CTBP1: variants seen among roughly 807,000 people sequenced by gnomAD.
The protein encoded by CTBP1 is C-terminal binding protein 1, also known as C-terminal-binding protein 1.
A neutral mutation model predicts 42.1 loss-of-function variants in CTBP1; 11 were observed. The observed-to-expected ratio is 0.26, with a 90% confidence interval of 0.16 to 0.43. CTBP1 has a LOEUF of 0.43. Among genes scored for constraint, CTBP1 ranks in the 20% least tolerant of loss-of-function variants. The pLI is 1.00. For missense variants in CTBP1, 399 were observed against 624.3 expected (o/e 0.64, Z 3.85); for synonymous variants, 324 against 277.1 (o/e 1.17, Z -1.68).
rs1468245271 is a variant in CTBP1, at chr4:1,233,730, C to T, written c.162+4453G>A. Among the ~76,000 whole-genome samples the T allele has an allele frequency of 6.6e-6, 1 of 152,212 alleles. No homozygotes were observed. The highest frequency in any genetic ancestry group is 1.5e-5 in the Non-Finnish European group (1 of 68,038). On this transcript the variant is annotated intron_variant, in intron 3 of 9. Transcript: ENST00000382952. This position sits in a 1 kb window ranked among gnomAD's most constrained non-coding sequence, Gnocchi z 4.6. ...CGCCTCCCAGGCCCCGACATTCTTC[C>T]CGCTCCTCCTGTGACCGCACTGACG... is the stretch of plus-strand genomic sequence containing the variant.
intron 1 of CTBP1, chr4:1,245,301 G>T (rs917295671): frequency 1.0e-6 from 1 of 985,310 alleles, no homozygotes; most frequent in African/African-American, 1.7e-5. Flanking sequence ...CAGGACATCC[G>T]TGGAGCCGCA....
At chr4:1,214,096 G>A (rs1445305573) in intron 7 of CTBP1, 14 of 522,102 alleles carry the variant, frequency 2.7e-5, no homozygotes, top group East Asian at 2.1e-4. Context: ...CTCCTGGTTG[G>A]TCAGGAGCCC....
chr4:1,227,854 G>C (rs546995156), intron 4 of CTBP1, among the ~76,000 whole-genome samples: 6 of 152,242 alleles, frequency 3.9e-5, no homozygotes, highest in Non-Finnish European at 7.3e-5. Flanking sequence ...TCGGGACAGA[G>C]ACCTATGAGC....
chr4:1,217,938 A>T (rs1316173823), intron 5 of CTBP1: 1 of 152,192 alleles, frequency 6.6e-6, no homozygotes, highest in Non-Finnish European at 1.5e-5. Context: ...CTTCCGGAAG[A>T]TGAATGGTAA....
At chr4:1,229,641 C>T (rs1381330489) in intron 3 of CTBP1, among the ~76,000 whole-genome samples, 4 of 152,312 alleles carry the variant, frequency 2.6e-5, no homozygotes, top group Middle Eastern at 3.4e-3. Flanking sequence ...GACCGCAGGG[C>T]GTCCTGTGGG....
At chr4:1,218,294 C>T (rs1169086482) in intron 5 of CTBP1, 2 of 151,986 alleles carry the variant, frequency 1.3e-5, no homozygotes, top group East Asian at 3.9e-4. Flanking sequence ...GTCCAAGCTA[C>T]TCGGGAGGCT....
intron 1 of CTBP1, among the ~76,000 whole-genome samples, chr4:1,247,767 AG>A (rs3832288): frequency 0.013 from 952 of 70,794 alleles, 13 homozygotes; most frequent in African/African-American, 0.062. Context: ...GAGGCCGGGG[AG>A]GGGGGGGGGG....
intron 3 of CTBP1, among the ~76,000 whole-genome samples, chr4:1,229,139 C>A (rs1730700439): frequency 6.6e-6 from 1 of 152,224 alleles, no homozygotes; most frequent in Admixed American, 6.5e-5. Flanking sequence ...CCCACCCTGC[C>A]AAGGGCTCCC....
At position 1,238,143 on chromosome 4, in the gene CTBP1, C is replaced by T. The variant is rs200024593; in HGVS notation, c.162+40G>A. On this transcript the variant is annotated intron_variant, in intron 3 of 9. Transcript: ENST00000382952. This position sits in a 1 kb window ranked among gnomAD's most constrained non-coding sequence, Gnocchi z 5.9. ...CTCCCGTCCCTCCAACTCCCCCCAA[C>T]GTGCGGTTCTGCCAGCCCCAGGCGA... The T allele has an allele frequency of 6.1e-5, 99 of 1,612,086 alleles. 1 individual carries two copies. In the Middle Eastern group the frequency reaches 6.6e-4, roughly 11 times the overall value.
chr4:1,222,416 G>C, intron 5 of CTBP1, among the ~76,000 whole-genome samples: 1 of 152,256 alleles, frequency 6.6e-6, no homozygotes, highest in Non-Finnish European at 1.5e-5. Context: ...AGAGGGGCCC[G>C]CGCCGAGAGC....
At chr4:1,228,391 G>T (rs777180953) in intron 3 of CTBP1, 48 bp from the exon 4 acceptor site, 9 of 1,588,932 alleles carry the variant, frequency 5.7e-6, no homozygotes, top group African/African-American at 1.3e-5. Context: ...GAAGACCCTC[G>T]GGCTTGGCCT....
chr4:1,231,834 A>T (rs1003272042), intron 3 of CTBP1, among the ~76,000 whole-genome samples: 1 of 152,150 alleles, frequency 6.6e-6, no homozygotes, highest in African/African-American at 2.4e-5. Context: ...TCTATCCCAC[A>T]TGAAGGGCCA....
intron 3 of CTBP1, 67 bp from the exon 4 acceptor site, chr4:1,228,410 G>T: frequency 6.4e-7 from 1 of 1,556,762 alleles, no homozygotes; most frequent in Non-Finnish European, 8.7e-7. Flanking sequence ...CTTCGGGGGT[G>T]GGGCTGCCCC....
chr4:1,225,619 A>G lies in CTBP1; in HGVS notation c.308-53T>C, dbSNP rs1730252074. ...CCCCGGGCCGGGCCCAGCCTCCGGG[A>G]GGACACCGGGGCCGCCGTGACTGGA... On this transcript the variant is annotated intron_variant, in intron 4 of 9. Coordinates refer to ENST00000382952, the MANE Select transcript of CTBP1 (RefSeq NM_001012614.2). 4 of 1,498,812 alleles carry G rather than the reference A, an allele frequency of 2.7e-6. No homozygotes were observed. In the Admixed American group the frequency reaches 6.1e-5, roughly 23 times the overall value. The allele number at this position is 1,498,812 out of a possible 1,614,324, so 92.8% of individuals were successfully genotyped here.
intron 5 of CTBP1, chr4:1,221,610 C>T: frequency 4.2e-6 from 1 of 235,358 alleles, no homozygotes; most frequent in South Asian, 3.8e-5. Flanking sequence ...AGAGGCATCA[C>T]CCCGACTGAC....
rs1236694612 is a variant in CTBP1 at position 1,212,088 on chromosome 4, C to G, written c.*152G>C. The G allele has an allele frequency of 3.6e-6, 2 of 554,066 alleles. No individual in the cohort carries two copies. The highest frequency in any genetic ancestry group is 7.0e-5 in the East Asian group (2 of 28,620). The allele number at this position is 554,066 out of a possible 1,614,324, so 34.3% of individuals were successfully genotyped here. ...ACAGGACGGACGACGACAAGCGACACGAGGCCCAGCGCTGCCCCCTCCCGC... is the reference window on the plus strand; with the variant it reads ...ACAGGACGGACGACGACAAGCGACAGGAGGCCCAGCGCTGCCCCCTCCCGC... On this transcript the variant is annotated 3_prime_UTR_variant, in exon 10 of 10. Coordinates refer to ENST00000382952, the MANE Select transcript of CTBP1 (RefSeq NM_001012614.2).
intron 4 of CTBP1, among the ~76,000 whole-genome samples, 171 bp downstream of exon 4, chr4:1,228,028 C>A (rs993392219): frequency 3.3e-5 from 5 of 152,190 alleles, no homozygotes; most frequent in African/African-American, 1.2e-4. Flanking sequence ...CTGTGAGGAA[C>A]TGAATGGCTG....
chr4:1,235,053 G>C lies in CTBP1; in HGVS notation c.162+3130C>G, dbSNP rs1190709223. 6.6e-6 allele frequency: 1 copy of C among 152,280 alleles called. No homozygotes were observed. The highest frequency in any genetic ancestry group is 1.5e-5 in the Non-Finnish European group (1 of 68,074). 9.4% of individuals were successfully genotyped at this position (152,280 alleles called of 1,614,324 possible). ...CATCATGCTGCCGAGATCACCCAGG[G>C]TGTGGCAGGGACCCAGCGTTCATGC... On this transcript the variant is annotated intron_variant, in intron 3 of 9. Transcript: ENST00000382952. The surrounding 1 kb of genome is among the most constrained non-coding windows in gnomAD (Gnocchi z 4.2).
At chr4:1,248,497 C>T (rs1195691513) in intron 1 of CTBP1, among the ~76,000 whole-genome samples, 63 of 150,878 alleles carry the variant, frequency 4.2e-4, no homozygotes, top group Middle Eastern at 3.4e-3. Flanking sequence ...ACGGCTCCCG[C>T]CCCATCCCGG....
Sources: gnomAD v4.1 joint callset for allele counts (sites outside exome capture counted in the v4.1 genomes callset) on GRCh38, gnomAD v4.1.1 for gene constraint, Gnocchi (gnomAD v3.1) non-coding constraint, MANE v1.5 for transcripts, NCBI Gene and HGNC (gene_info 2026-07-23, HGNC 2026-07-21) for gene names.